KLK15: variants seen among roughly 807,000 people sequenced by gnomAD.
KLK15 encodes the protein kallikrein-15.
KLK15 carries 19 observed loss-of-function variants against 21.1 expected under a neutral mutation model. That is an observed-to-expected ratio of 0.90 (90% CI 0.63 to 1.32). The LOEUF is 1.32. KLK15 is among the 40% of genes most tolerant of loss of function. KLK15 has a pLI of 0.00. For synonymous variants in KLK15, 141 were observed against 141.5 expected, an observed-to-expected ratio of 1.00 and a Z score of 0.03; for missense variants, 345 against 348.6, an observed-to-expected ratio of 0.99 and a Z score of 0.08.
exon 2 of KLK15, chr19:50,827,699 G>T (rs781628408): frequency 1.2e-6 from 2 of 1,611,242 alleles, no homozygotes; most frequent in South Asian, 2.2e-5. Flanking sequence ...ACCCAGTGTG[G>T]GGAGATGAGG....
At chr19:50,825,786 G>A in exon 5 of KLK15, 1 of 1,612,648 alleles carries the variant, frequency 6.2e-7, no homozygotes, top group Non-Finnish European at 8.5e-7. Context: ...CAGGAGATAG[G>A]CTAGAATAGT....
intron 1 of KLK15, among the ~76,000 whole-genome samples, chr19:50,829,939 G>C (rs2089953230): frequency 6.6e-6 from 1 of 151,720 alleles, no homozygotes; most frequent in Non-Finnish European, 1.5e-5. Flanking sequence ...TGGACTTGCT[G>C]TCTGGGGCAG....
At chr19:50,825,445 CAT>C (rs1057269803), downstream of KLK15, 25 of 176,270 alleles carry the variant, frequency 1.4e-4, no homozygotes, top group East Asian at 3.6e-3. Flanking sequence ...CACGGGTGGT[CAT>C]GTGTGTTGAA....
chr19:50,827,617 C>T lies in KLK15; in HGVS notation c.197+45G>A, dbSNP rs532024293. The T allele has an allele frequency of 4.8e-4, 770 of 1,588,828 alleles. 15 individuals carry two copies. In the South Asian group the frequency reaches 8.0e-3, roughly 16 times the overall value. On this transcript the variant is annotated intron_variant, in intron 2 of 4. Transcript: ENST00000598239. ...TTCCCCCAAATCTAGGAGCTCTTCC[C>T]CCCGAACCAGGCTCCCTCAGGACCC...
exon 3 of KLK15, chr19:50,827,042 T>C (rs775842314): frequency 4.4e-6 from 7 of 1,606,296 alleles, no homozygotes; most frequent in Non-Finnish European, 5.9e-6. Context: ...CAACATGATG[T>C]CGTTGCGGTG....
chr19:50,830,396 G>C (rs2089962036), intron 1 of KLK15: 1 of 152,008 alleles, frequency 6.6e-6, no homozygotes, highest in Admixed American at 6.6e-5. Flanking sequence ...CGTGAGACCA[G>C]GGGAATGCGG....
exon 4 of KLK15, chr19:50,826,688 T>C (rs757337160): frequency 2.5e-6 from 4 of 1,614,020 alleles, no homozygotes; most frequent in Non-Finnish European, 3.4e-6. Context: ...GCGCCCTGGG[T>C]AGCTCTTGTC....
exon 3 of KLK15, chr19:50,827,047 G>A (rs757003411): frequency 1.9e-6 from 3 of 1,606,372 alleles, no homozygotes; most frequent in Non-Finnish European, 1.7e-6. Flanking sequence ...TGATGTCGTT[G>A]CGGTGGCTGC....
intron 1 of KLK15, among the ~76,000 whole-genome samples, chr19:50,830,784 G>A (rs1016346401): frequency 4.6e-5 from 7 of 152,194 alleles, no homozygotes; most frequent in Admixed American, 1.3e-4. Context: ...TGTTGTGGCC[G>A]TCCCTCTGAG....
chr19:50,831,556 A>AGAAG, upstream of KLK15: 8 of 1,341,258 alleles, frequency 6.0e-6, no homozygotes, highest in African/African-American at 1.6e-5. Flanking sequence ...CAGGTGAGGC[A>AGAAG]GGACCCTTCT....
In KLK15 at chr19:50,830,181, A is replaced by ACC. The variant is rs895130613; in HGVS notation, c.43+1268_43+1269insGG. On this transcript the variant is annotated intron_variant, in intron 1 of 4. Coordinates refer to ENST00000598239, the Ensembl canonical transcript of KLK15. Reference sequence around the variant, plus strand: ...CATGTACACACACACACACACACACACACACAGAATGGCATTATGCTTAAG... The same window carrying ACC: ...CATGTACACACACACACACACACACACCCACACAGAATGGCATTATGCTTAAG... Among the ~76,000 whole-genome samples, 20 of 151,460 alleles carry ACC rather than the reference A, an allele frequency of 1.3e-4. 1 individual carries two copies. The highest frequency in any genetic ancestry group is 4.6e-4 in the African/African-American group (19 of 41,376).
rs749516990 is a variant in KLK15, at chr19:50,827,817, T to C, written c.44-2A>G. ...GCAACTTGTCACCATCCTGGGCTGC[T>C]AAGAGAAGGGGTAGAGGATGCCTGA... On this transcript the variant is annotated splice_acceptor_variant, in intron 1 of 4. Transcript: ENST00000598239. LOFTEE classifies it high-confidence loss of function. 3 of 1,611,124 alleles carry C rather than the reference T, an allele frequency of 1.9e-6. No homozygotes were observed. In the East Asian group the frequency reaches 6.7e-5, roughly 36 times the overall value.
At chr19:50,831,678 C>G (rs917493426), upstream of KLK15, among the ~76,000 whole-genome samples, 6 of 152,118 alleles carry the variant, frequency 3.9e-5, no homozygotes, top group African/African-American at 2.4e-5. Flanking sequence ...CCTTCTGGGT[C>G]CCCCATCTCT....
chr19:50,831,205 T>G, intron 1 of KLK15: 1 of 370,852 alleles, frequency 2.7e-6, no homozygotes, highest in Non-Finnish European at 4.8e-6. Context: ...CTCAGGTTTG[T>G]GTAACCCCAG....
At chr19:50,830,863 T>C (rs2089973641) in intron 1 of KLK15, among the ~76,000 whole-genome samples, 1 of 152,146 alleles carries the variant, frequency 6.6e-6, no homozygotes, top group Non-Finnish European at 1.5e-5. Context: ...ATGTAAGCTC[T>C]AAGCACCGTG....
At chr19:50,831,988 A>AT (rs200501777), upstream of KLK15, among the ~76,000 whole-genome samples, 3,014 of 148,136 alleles carry the variant, frequency 0.02, 93 homozygotes, top group African/African-American at 0.069. Context: ...ATTTTTTGGA[A>AT]ATTTTTTTTT....
At chr19:50,832,662 C>T (rs962581257), upstream of KLK15, among the ~76,000 whole-genome samples, 5 of 152,220 alleles carry the variant, frequency 3.3e-5, no homozygotes, top group Admixed American at 2.6e-4. Context: ...CCCTTCCAGC[C>T]CCTCTCCCTG....
chr19:50,832,817 C>T (rs756411295), upstream of KLK15, among the ~76,000 whole-genome samples: 2 of 152,192 alleles, frequency 1.3e-5, no homozygotes, highest in African/African-American at 2.4e-5. Context: ...CTGACCTCCC[C>T]TGACCCTCAG....
chr19:50,826,532 C>T (rs1024338987), intron 4 of KLK15, 89 bp downstream of exon 5: 148 of 1,451,172 alleles, frequency 1.0e-4, no homozygotes, highest in Non-Finnish European at 1.2e-4. Flanking sequence ...TCTTCTCTGG[C>T]CCAAAGCAAA....
Sources: gnomAD v4.1 joint callset for allele counts (sites outside exome capture counted in the v4.1 genomes callset) on GRCh38, gnomAD v4.1.1 for gene constraint, MANE v1.5 for transcripts, NCBI Gene and HGNC (gene_info 2026-07-23, HGNC 2026-07-21) for gene names.